The following SHISA9 variants were observed in gnomAD, a reference collection of about 807,000 sequenced individuals.
SHISA9 encodes the protein shisa family member 9.
A neutral mutation model predicts 38.0 loss-of-function variants in SHISA9; 13 were observed. The observed-to-expected ratio is 0.34, with a 90% CI of 0.22 to 0.54. The LOEUF (loss-of-function observed/expected upper bound fraction) is 0.54, where lower values mean the gene tolerates loss of function less well. SHISA9 is among the 20% of genes least tolerant of loss of function. SHISA9 has a pLI of 0.91. For missense variants in SHISA9, 538 were observed against 575.8 expected (o/e 0.93, Z 0.67); for synonymous variants, 275 against 242.0 (o/e 1.14, Z -1.27).
chr16:12,908,751 T>C (rs2071139991), intron 1 of SHISA9: 1 of 1,412,416 alleles, frequency 7.1e-7, no homozygotes, highest in Non-Finnish European at 9.2e-7. Flanking sequence ...GCTTTCTATA[T>C]CGGCCCCGGC....
intron 2 of SHISA9, among the ~76,000 whole-genome samples, chr16:13,182,068 T>G (rs887857875): frequency 3.3e-5 from 5 of 152,208 alleles, no homozygotes. Context: ...ATGGAACATC[T>G]AGCAAGCTCA....
At chr16:13,115,434 T>G (rs1464371182) in intron 2 of SHISA9, among the ~76,000 whole-genome samples, 1 of 152,244 alleles carries the variant, frequency 6.6e-6, no homozygotes, top group Non-Finnish European at 1.5e-5. Context: ...TGGGCCGAAT[T>G]AATTGCAGCA....
At chr16:13,092,634 C>G (rs2073786817) in intron 2 of SHISA9, among the ~76,000 whole-genome samples, 1 of 152,260 alleles carries the variant, frequency 6.6e-6, no homozygotes. Context: ...AAGCCAGGCA[C>G]AGGAGAGAAT....
chr16:12,905,661 C>T (rs369745096), intron 1 of SHISA9, among the ~76,000 whole-genome samples: 44 of 151,266 alleles, frequency 2.9e-4, no homozygotes, highest in South Asian at 1.9e-3. Flanking sequence ...GCAGGATCTC[C>T]GCTCACTGCA....
At chr16:13,202,924 A>G (rs1000016337) in intron 2 of SHISA9, among the ~76,000 whole-genome samples, 4 of 152,324 alleles carry the variant, frequency 2.6e-5, no homozygotes, top group African/African-American at 9.6e-5. Context: ...AGGAAATTGC[A>G]TGTCCACCAG....
chr16:13,195,121 A>G (rs2050924605), intron 2 of SHISA9, among the ~76,000 whole-genome samples: 1 of 152,220 alleles, frequency 6.6e-6, no homozygotes, highest in South Asian at 2.1e-4. Flanking sequence ...AGAAAAAACC[A>G]GCACACCTGG....
the SHISA9 span, among the ~76,000 whole-genome samples, chr16:13,411,357 A>C: frequency 6.6e-6 from 1 of 152,250 alleles, no homozygotes; most frequent in Non-Finnish European, 1.5e-5. Context: ...GGTCCTGGGC[A>C]GAGTAATGAA....
At chr16:12,903,404 C>T (rs1261775780) in intron 1 of SHISA9, among the ~76,000 whole-genome samples, 1 of 152,248 alleles carries the variant, frequency 6.6e-6, no homozygotes, top group Non-Finnish European at 1.5e-5. Context: ...ACCCTGATTT[C>T]GTCAACTTTC....
At chr16:13,065,896 G>C (rs537790943) in intron 2 of SHISA9, among the ~76,000 whole-genome samples, 2 of 152,194 alleles carry the variant, frequency 1.3e-5, no homozygotes, top group African/African-American at 4.8e-5. Context: ...TCTTGTATAC[G>C]CATGGTGTAT....
In SHISA9 at chr16:13,165,865, C is replaced by A. The variant is rs1388978766; in HGVS notation, c.692-37529C>A. Among the ~76,000 whole-genome samples, 3 of 152,152 alleles carry A rather than the reference C, an allele frequency of 2.0e-5. No individual in the cohort carries two copies. In the East Asian group the frequency reaches 5.8e-4, roughly 29 times the overall value. On this transcript the variant is annotated intron_variant, in intron 2 of 4. Transcript: ENST00000558583. ...TTCCCAATAAATCATGTCAACAGAT[C>A]TCTATAAAAACAGTGGGAAGCTTTT...
chr16:13,474,673 A>G, the SHISA9 span, among the ~76,000 whole-genome samples: 1 of 152,230 alleles, frequency 6.6e-6, no homozygotes, highest in African/African-American at 2.4e-5. Flanking sequence ...AGATTATTAA[A>G]TCATCTGATG....
chr16:13,278,363 C>T, the SHISA9 span, among the ~76,000 whole-genome samples: 3 of 151,738 alleles, frequency 2.0e-5, no homozygotes, highest in African/African-American at 4.8e-5. Flanking sequence ...TCAGGGATAT[C>T]GGTCTGTAGT....
intron 2 of SHISA9, among the ~76,000 whole-genome samples, chr16:13,181,265 TTTTATATATATATATATATATATATA>T (rs1407742814): frequency 2.1e-4 from 19 of 91,616 alleles, no homozygotes; most frequent in African/African-American, 7.1e-4. Context: ...TAAAATAAAA[TTTTATATATATATATATATATATATA>T]TATATATATA....
intron 2 of SHISA9, among the ~76,000 whole-genome samples, chr16:13,173,051 T>G (rs77553002): frequency 0.018 from 2,697 of 152,174 alleles, 42 homozygotes; most frequent in Non-Finnish European, 0.027. Context: ...GTCCCTTTTA[T>G]CAAATGGAAA....
the SHISA9 span, among the ~76,000 whole-genome samples, chr16:13,469,172 G>A: frequency 9.9e-5 from 15 of 151,220 alleles, no homozygotes; most frequent in African/African-American, 3.4e-4. Context: ...AAACCTGGAG[G>A]TGGAGGTTGC....
intron 2 of SHISA9, among the ~76,000 whole-genome samples, chr16:13,103,182 A>T (rs2073895423): frequency 6.6e-6 from 1 of 152,194 alleles, no homozygotes; most frequent in African/African-American, 2.4e-5. Context: ...TTAGTGTGTC[A>T]GACTCCAAAG....
At chr16:13,042,500 G>T (rs2073143882) in intron 2 of SHISA9, among the ~76,000 whole-genome samples, 2 of 152,220 alleles carry the variant, frequency 1.3e-5, no homozygotes, top group South Asian at 2.1e-4. Context: ...GAATGCCTCA[G>T]TTGTTCTCAT....
At chr16:12,925,959 C>G (rs920327116) in intron 2 of SHISA9, among the ~76,000 whole-genome samples, 2 of 152,132 alleles carry the variant, frequency 1.3e-5, no homozygotes, top group Non-Finnish European at 2.9e-5. Flanking sequence ...CTCCTGACCT[C>G]AGATGATCCA....
intron 2 of SHISA9, among the ~76,000 whole-genome samples, chr16:12,920,678 A>C (rs1217524254): frequency 6.6e-6 from 1 of 152,210 alleles, no homozygotes; most frequent in Non-Finnish European, 1.5e-5. Flanking sequence ...GATAGTACAC[A>C]GAGTTCTGTA....
Sources: gnomAD v4.1 joint callset for allele counts (sites outside exome capture counted in the v4.1 genomes callset) on GRCh38, gnomAD v4.1.1 for gene constraint, MANE v1.5 for transcripts, NCBI Gene and HGNC (gene_info 2026-07-23, HGNC 2026-07-21) for gene names.